PEX2: variants seen among roughly 807,000 people sequenced by gnomAD.
PEX2 encodes the protein peroxisome biogenesis factor 2.
A neutral mutation model predicts 25.2 loss-of-function variants in PEX2; 19 were observed. The ratio of observed to expected loss-of-function variants is 0.75; its 90% CI spans 0.53 to 1.10. The LOEUF (loss-of-function observed/expected upper bound fraction) is 1.10, where lower values mean the gene tolerates loss of function less well. Ranked by LOEUF, PEX2 falls within the 50% of genes least tolerant of loss-of-function variation. The pLI, the probability that PEX2 is intolerant of heterozygous loss-of-function variation, is 0.00. For synonymous variants in PEX2, 141 were observed against 127.7 expected (o/e 1.10, Z -0.70); for missense variants, 347 against 350.6 (o/e 0.99, Z 0.08).
rs1429521837 is a variant in PEX2 at position 76,982,615 on chromosome 8, T to C, written c.*646A>G. The C allele has an allele frequency of 1.3e-5, 2 of 152,582 alleles. No individual in the cohort carries two copies. Among genetic ancestry groups the C allele is most frequent in the Non-Finnish European group, 2.9e-5 (2 of 68,490 alleles). The allele number at this position is 152,582 out of a possible 1,614,324, so 9.5% of individuals were successfully genotyped here. A position where few individuals can be genotyped will look rare whatever the true frequency, so the allele number is the denominator to read the frequency against. The stretch of plus-strand genomic sequence containing the variant: ...TCACCAGATCAGGAGATAGAGACCA[T>C]CCTGGCTAACACAGTGAACCCCATC... On this transcript the variant is annotated 3_prime_UTR_variant, in exon 4 of 4. Transcript: ENST00000357039.
chr8:76,996,050 C>T (rs1055625238), intron 1 of PEX2, among the ~76,000 whole-genome samples: 3 of 151,972 alleles, frequency 2.0e-5, no homozygotes, highest in Non-Finnish European at 2.9e-5. Context: ...CAATACAGGA[C>T]ATGAGGAAAA....
chr8:76,996,860 TAAA>T (rs1586079156), intron 1 of PEX2, among the ~76,000 whole-genome samples: 1 of 152,174 alleles, frequency 6.6e-6, no homozygotes, highest in East Asian at 1.9e-4. Flanking sequence ...TTTAAGAAGA[TAAA>T]AATTAAGGCT....
Position 76,983,710 on chromosome 8 carries a change from A to T in PEX2, c.469T>A (p.Phe157Ile). 6.2e-7 allele frequency: 1 copy of T among 1,614,112 alleles called. No individual in the cohort carries two copies. Among genetic ancestry groups the T allele is most frequent in the Non-Finnish European group, 8.5e-7 (1 of 1,180,018 alleles). The change falls in exon 4 of 4, where the codon TTC becomes ATC. Residue 157 changes from phenylalanine to isoleucine, a missense_variant. Phe to Ile is a conservative substitution (Grantham distance 21). Coordinates refer to ENST00000357039, the MANE Select transcript of PEX2 (RefSeq NM_000318.3). ...GTTGCAAACTTTCCCCTCTGAAGGA[A>T]AATCAAAAAATTAATCAGCCCACCT... The part of the protein sequence containing the change: ...KLGGLINFLI[F>I]LQRGKFATLT...
intron 1 of PEX2, among the ~76,000 whole-genome samples, chr8:76,994,169 A>T (rs2132057590): frequency 6.6e-6 from 1 of 152,318 alleles, no homozygotes; most frequent in East Asian, 1.9e-4. Context: ...TAAGAGCAGC[A>T]ATATATAACC....
intron 1 of PEX2, 24 bp downstream of exon 1, chr8:76,999,966 C>A (rs893384389): frequency 2.4e-5 from 11 of 456,544 alleles, no homozygotes; most frequent in South Asian, 4.6e-5. Context: ...GTTTGCACTC[C>A]GGCTCTCTAG....
chr8:76,988,541 A>C (rs1254280712), intron 1 of PEX2, among the ~76,000 whole-genome samples: 1 of 152,234 alleles, frequency 6.6e-6, no homozygotes, highest in African/African-American at 2.4e-5. Context: ...AGTGAGTTAT[A>C]ATCTTTTTGA....
rs1586068734 is a variant in PEX2, at chr8:76,983,086, A to G, written c.*175T>C. On this transcript the variant is annotated 3_prime_UTR_variant, in exon 4 of 4. Transcript: ENST00000357039. Reference sequence around the variant, plus strand: ...CATAATACATTAACATTTACATAATATATTTAGAATCACATGGTTTCCAGT... The same window carrying G: ...CATAATACATTAACATTTACATAATGTATTTAGAATCACATGGTTTCCAGT... 1 of 1,419,630 alleles carries G rather than the reference A, an allele frequency of 7.0e-7. No individual in the cohort carries two copies. Among genetic ancestry groups the G allele is most frequent in the Non-Finnish European group, 9.3e-7 (1 of 1,079,176 alleles). 87.9% of individuals were successfully genotyped at this position (1,419,630 alleles called of 1,614,324 possible). A position where few individuals can be genotyped will look rare whatever the true frequency, so the allele number is the denominator to read the frequency against.
At chr8:76,997,298 C>A (rs138610527) in intron 1 of PEX2, among the ~76,000 whole-genome samples, 23 of 152,280 alleles carry the variant, frequency 1.5e-4, no homozygotes, top group Non-Finnish European at 3.1e-4. Flanking sequence ...AGAGGTAATG[C>A]CAACTCATTC....
intron 1 of PEX2, among the ~76,000 whole-genome samples, chr8:76,998,016 A>G (rs555267799): frequency 2.0e-5 from 3 of 152,354 alleles, no homozygotes; most frequent in African/African-American, 7.2e-5. Context: ...ACTTCACAGA[A>G]AAGAGGTACA....
chr8:76,987,814 T>C (rs1807050441), intron 2 of PEX2: 1 of 152,180 alleles, frequency 6.6e-6, no homozygotes, highest in Non-Finnish European at 1.5e-5. Flanking sequence ...GTGATAGTGA[T>C]CCAAGTCCCT....
chr8:76,986,894 T>A (rs148145893), intron 2 of PEX2, among the ~76,000 whole-genome samples: 15 of 152,264 alleles, frequency 9.9e-5, no homozygotes, highest in Non-Finnish European at 1.8e-4. Context: ...CTTATCACAG[T>A]TGAATCAGAA....
chr8:76,991,085 T>C (rs1203929177), intron 1 of PEX2, among the ~76,000 whole-genome samples: 1 of 152,226 alleles, frequency 6.6e-6, no homozygotes, highest in Non-Finnish European at 1.5e-5. Flanking sequence ...TTTCTCAGAA[T>C]GTACCCCCTT....
Position 76,983,017 on chromosome 8 carries a change from C to T in PEX2, c.*244G>A, listed in dbSNP as rs1030545442. ...TTAGTAGTCACCTGACAAAAGCTGT[C>T]CATTATTCTTGACATTAAAAATTGA... On this transcript the variant is annotated 3_prime_UTR_variant, in exon 4 of 4. Coordinates refer to ENST00000357039, the MANE Select transcript of PEX2 (RefSeq NM_000318.3). 1.8e-6 allele frequency: 2 copies of T among 1,096,504 alleles called. No homozygotes were observed. The highest frequency in any genetic ancestry group is 3.0e-5 in the East Asian group (1 of 33,078). The allele number at this position is 1,096,504 out of a possible 1,614,324, so 67.9% of individuals were successfully genotyped here. A position where few individuals can be genotyped will look rare whatever the true frequency, so the allele number is the denominator to read the frequency against.
chr8:76,983,270 A>G lies in PEX2; in HGVS notation c.909T>C (p.Asn303=). ...LKSGIEMSEV[N]AL Reference sequence around the variant, plus strand: ...GAAGCAATTTTAGTTTCTAAAGAGCATTTACTTCTGACATCTCGATTCCTG... The same window carrying G: ...GAAGCAATTTTAGTTTCTAAAGAGCGTTTACTTCTGACATCTCGATTCCTG... Residue 303 remains asparagine (N), a synonymous_variant, in exon 4 of 4, where the codon AAT becomes AAC. Coordinates refer to ENST00000357039, the MANE Select transcript of PEX2 (RefSeq NM_000318.3). The G allele has an allele frequency of 6.2e-7, 1 of 1,612,862 alleles. No homozygotes were observed. Among genetic ancestry groups the G allele is most frequent in the South Asian group, 1.1e-5 (1 of 91,086 alleles).
chr8:76,999,469 G>A (rs1807430555), intron 1 of PEX2, among the ~76,000 whole-genome samples: 1 of 152,148 alleles, frequency 6.6e-6, no homozygotes, highest in Admixed American at 6.5e-5. Flanking sequence ...TTTATCGCAA[G>A]CAATTTTATC....
At chr8:76,997,555 C>T (rs1291625969) in intron 1 of PEX2, among the ~76,000 whole-genome samples, 1 of 152,056 alleles carries the variant, frequency 6.6e-6, no homozygotes, top group African/African-American at 2.4e-5. Context: ...GGCAACACAG[C>T]AAGACTCTGT....
At chr8:76,992,176 C>G (rs903506086) in intron 1 of PEX2, among the ~76,000 whole-genome samples, 33 of 152,256 alleles carry the variant, frequency 2.2e-4, no homozygotes, top group African/African-American at 7.9e-4. Flanking sequence ...TGCACCTTGT[C>G]TGAAAGGATA....
rs2132044032 is a variant in PEX2, at chr8:76,983,761, TCA to T, written c.416_417del (p.Val139GlufsTer14). 6.2e-7 allele frequency: 1 copy of T among 1,613,994 alleles called. No homozygotes were observed. Among genetic ancestry groups the T allele is most frequent in the Non-Finnish European group, 8.5e-7 (1 of 1,179,998 alleles). On this transcript the variant is annotated frameshift_variant, in exon 4 of 4. Coordinates refer to ENST00000357039, the MANE Select transcript of PEX2 (RefSeq NM_000318.3). LOFTEE classifies it high-confidence loss of function. ...LASFGKVKQC[V>X]NFVIGLLKLG... is the part of the protein sequence containing the mutation. ...AATTTCAAAAGTCCAATCACAAAAT[TCA>T]CACACTGCTTGACTTTCCCAAATGA...
In PEX2 at chr8:76,983,306, C is replaced by T; in HGVS notation, c.873G>A (p.Gln291=). 6.2e-7 allele frequency: 1 copy of T among 1,613,870 alleles called. No homozygotes were observed. The highest frequency in any genetic ancestry group is 8.5e-7 in the Non-Finnish European group (1 of 1,180,004). Residue 291 remains glutamine (Q), a synonymous_variant, in exon 4 of 4, where the codon CAG becomes CAA. Coordinates refer to ENST00000357039, the MANE Select transcript of PEX2 (RefSeq NM_000318.3). ...PKCGTEVHSL[Q]PLKSGIEMSE... ...ACATCTCGATTCCTGATTTCAGTGGCTGCAGACTGTGTACTTCTGTGCCAC... is the reference window on the plus strand; with the variant it reads ...ACATCTCGATTCCTGATTTCAGTGGTTGCAGACTGTGTACTTCTGTGCCAC...
Sources: gnomAD v4.1 joint callset for allele counts (sites outside exome capture counted in the v4.1 genomes callset) on GRCh38, gnomAD v4.1.1 for gene constraint, MANE v1.5 for transcripts, NCBI Gene and HGNC (gene_info 2026-07-23, HGNC 2026-07-21) for gene names.